Variants in POLR1A observed in about 807,000 individuals in gnomAD.
POLR1A encodes DNA-directed RNA polymerase I subunit RPA1.
A neutral mutation model predicts 205.3 loss-of-function variants in POLR1A; 84 were observed. The ratio of observed to expected loss-of-function variants is 0.41; its 90% CI spans 0.34 to 0.49. The LOEUF (loss-of-function observed/expected upper bound fraction) is 0.49. Among genes scored for constraint, POLR1A ranks in the 20% least tolerant of loss-of-function variants. POLR1A has a pLI of 0.22. For missense variants in POLR1A, 1,645 were observed against 2,204.5 expected, an observed-to-expected ratio of 0.75 and a Z score of 5.08; for synonymous variants, 799 against 863.7, an observed-to-expected ratio of 0.93 and a Z score of 1.31.
chr2:86,041,469 T>A (rs1672606284), intron 24 of POLR1A, among the ~76,000 whole-genome samples: 1 of 152,066 alleles, frequency 6.6e-6, no homozygotes, highest in African/African-American at 2.4e-5. Flanking sequence ...AAAGGATTAC[T>A]GGAGTAATCG....
At chr2:86,050,654 C>T (rs1252421792) in intron 16 of POLR1A, among the ~76,000 whole-genome samples, 1 of 152,246 alleles carries the variant, frequency 6.6e-6, no homozygotes, top group African/African-American at 2.4e-5. Context: ...TAAAGCCTGG[C>T]ACCTTTGTTA....
In POLR1A at chr2:86,023,238, T is replaced by A. The variant is rs1175012421; in HGVS notation, c.*4185A>T. The stretch of plus-strand genomic sequence containing the variant: ...GGAGACCTGCGGTAGGCCCAGCAAC[T>A]CTGTGACCTATCTAAACTACACAAC... On this transcript the variant is annotated 3_prime_UTR_variant, in exon 34 of 34. Transcript: ENST00000263857. 6.6e-6 allele frequency: 1 copy of A among 152,210 alleles called. No homozygotes were observed. Among genetic ancestry groups the A allele is most frequent in the East Asian group, 1.9e-4 (1 of 5,202 alleles). The allele number at this position is 152,210 out of a possible 1,614,324, so 9.4% of individuals were successfully genotyped here.
chr2:86,027,461 C>T lies in POLR1A; in HGVS notation c.5125G>A (p.Gly1709Arg), dbSNP rs762408379. The change falls in exon 34 of 34, where the codon GGG (glycine) becomes AGG (arginine). Residue 1709 changes from glycine to arginine, a missense_variant. Coordinates refer to ENST00000263857, the MANE Select transcript of POLR1A (RefSeq NM_015425.6). ...TGCTTGAGCTCGAACAGGCCTGTCC[C>T]GCCCCTGACGACCTTCCCGACCACA... ...CLVVGKVVRG[G>R]TGLFELKQPL... is the part of the protein sequence containing the mutation. 2.5e-6 allele frequency: 4 copies of T among 1,614,050 alleles called. No homozygotes were observed. Among genetic ancestry groups the T allele is most frequent in the African/African-American group, 2.7e-5 (2 of 74,924 alleles).
At chr2:86,053,655 C>T (rs1231700454) in intron 15 of POLR1A, among the ~76,000 whole-genome samples, 1 of 152,146 alleles carries the variant, frequency 6.6e-6, no homozygotes, top group Non-Finnish European at 1.5e-5. Context: ...TCCATTAAGA[C>T]TCTGTGATAA....
Position 86,028,530 on chromosome 2 carries a change from C to A in POLR1A, c.4897+64G>T. ...GACCGACACGGTCCTGACCCTCCTG[C>A]CGAGCCTTCTGGTGTCCTGGCTGGT... On this transcript the variant is annotated intron_variant, in intron 32 of 33. Transcript: ENST00000263857. This position sits in a 1 kb window ranked among gnomAD's most constrained non-coding sequence, Gnocchi z 4.5. 1 of 1,178,880 alleles carries A rather than the reference C, an allele frequency of 8.5e-7. No homozygotes were observed. The highest frequency in any genetic ancestry group is 1.3e-6 in the Non-Finnish European group (1 of 783,902). The allele number at this position is 1,178,880 out of a possible 1,614,324, so 73.0% of individuals were successfully genotyped here.
chr2:86,105,544 C>T (rs968792475), intron 1 of POLR1A, among the ~76,000 whole-genome samples, 156 bp downstream of exon 1: 2 of 152,112 alleles, frequency 1.3e-5, no homozygotes, highest in Non-Finnish European at 2.9e-5. Context: ...CCACGCCGGC[C>T]CAGGAACGTT....
At chr2:86,034,360 A>G (rs1210542797) in intron 27 of POLR1A, among the ~76,000 whole-genome samples, 1 of 152,202 alleles carries the variant, frequency 6.6e-6, no homozygotes, top group Admixed American at 6.5e-5. Context: ...CGGCAATGTG[A>G]CGAAAGAACG....
rs769995595 is a variant in POLR1A, at chr2:86,045,778, C to T, written c.2734-9G>A. 2.5e-6 allele frequency: 4 copies of T among 1,600,994 alleles called. No homozygotes were observed. Among genetic ancestry groups the T allele is most frequent in the Non-Finnish European group, 3.4e-6 (4 of 1,176,766 alleles). On this transcript the variant is annotated splice_polypyrimidine_tract_variant and intron_variant, in intron 19 of 33. Transcript: ENST00000263857. ...CCCAGCAGGCACGAGATCTGGAGGA[C>T]AGGAAATCCACAGGAAACTGAAGAT...
At chr2:86,049,456 CA>C (rs1170225228) in intron 16 of POLR1A, among the ~76,000 whole-genome samples, 1 of 152,166 alleles carries the variant, frequency 6.6e-6, no homozygotes, top group African/African-American at 2.4e-5. Context: ...TTACAAATGA[CA>C]AAACTCAGGC....
intron 1 of POLR1A, 52 bp from the exon 2 acceptor site, chr2:86,100,224 AT>A: frequency 7.3e-7 from 1 of 1,370,748 alleles, no homozygotes; most frequent in Non-Finnish European, 1.0e-6. Flanking sequence ...AACCTCTCTG[AT>A]GTTTCCTTTC....
intron 28 of POLR1A, among the ~76,000 whole-genome samples, chr2:86,032,745 AGAAG>A (rs1480044048): frequency 6.6e-6 from 1 of 152,164 alleles, no homozygotes; most frequent in African/African-American, 2.4e-5. Flanking sequence ...GGTGGGGATG[AGAAG>A]GAAGGGTTAT....
intron 1 of POLR1A, among the ~76,000 whole-genome samples, chr2:86,103,521 GA>G (rs1202977334): frequency 6.6e-6 from 1 of 152,194 alleles, no homozygotes; most frequent in African/African-American, 2.4e-5. Context: ...AAACTTGTTT[GA>G]AAACTCCACA....
intron 4 of POLR1A, among the ~76,000 whole-genome samples, chr2:86,089,120 C>T (rs1288275845): frequency 6.6e-6 from 1 of 152,192 alleles, no homozygotes; most frequent in East Asian, 1.9e-4. Flanking sequence ...TAAGCTCTTA[C>T]TAAGACAAAG....
chr2:86,075,182 C>T lies in POLR1A; in HGVS notation c.1459G>A (p.Gly487Ser), dbSNP rs777068250. The change falls in exon 12 of 34, where the codon GGC becomes AGC. Residue 487 changes from glycine (G) to serine (S), a missense_variant. By Grantham distance (56) the Gly-to-Ser change is moderately conservative (BLOSUM62 0). This residue lies in a region of POLR1A where 131 missense variants were observed against 214.5 expected (regional missense o/e 0.61). Transcript: ENST00000263857. ...VQELRQAVIN[G>S]PNVHPGASMV... ...GAGGCTCCTGGGTGCACATTAGGGCCGTTGATGACCGCTTGCCTAAGTTCC... is the reference window on the plus strand; with the variant it reads ...GAGGCTCCTGGGTGCACATTAGGGCTGTTGATGACCGCTTGCCTAAGTTCC... 2.5e-6 allele frequency: 4 copies of T among 1,613,200 alleles called. No homozygotes were observed. The highest frequency in any genetic ancestry group is 1.7e-5 in the Admixed American group (1 of 59,924).
At chr2:86,063,978 G>A (rs373452102) in intron 14 of POLR1A, among the ~76,000 whole-genome samples, 2 of 152,194 alleles carry the variant, frequency 1.3e-5, no homozygotes, top group Admixed American at 6.5e-5. Flanking sequence ...ACGTTATTTA[G>A]AAGTACAAAT....
chr2:86,074,895 C>T, intron 12 of POLR1A, 135 bp downstream of exon 12: 5 of 639,268 alleles, frequency 7.8e-6, no homozygotes, highest in Non-Finnish European at 1.1e-5. Flanking sequence ...TAAAAAGCCA[C>T]CCACGTGTCG....
chr2:86,103,250 C>T (rs920337172), intron 1 of POLR1A, among the ~76,000 whole-genome samples: 7 of 152,158 alleles, frequency 4.6e-5, no homozygotes, highest in African/African-American at 1.4e-4. Context: ...GCAGGCCATA[C>T]AGTCACCTGG....
At position 86,070,242 on chromosome 2, in the gene POLR1A, G is replaced by T; in HGVS notation, c.1642C>A (p.Leu548Met). The change falls in exon 13 of 34, where the codon CTG (leucine) becomes ATG (methionine). Residue 548 changes from leucine (L) to methionine (M), a missense_variant. This residue lies in a region of POLR1A where 131 missense variants were observed against 214.5 expected (regional missense o/e 0.61). Coordinates refer to ENST00000263857, the MANE Select transcript of POLR1A (RefSeq NM_015425.6). This position sits in a 1 kb window ranked among gnomAD's most constrained non-coding sequence, Gnocchi z 4.4. The stretch of plus-strand genomic sequence containing the variant: ...AGTGTGGGCTGTCGGTTCAGTAGCA[G>T]AATGTCCCCATTCTTCACATGCCGG... Reference protein sequence around the residue: ...VCRHVKNGDILLLNRQPTLHR... With the variant: ...VCRHVKNGDIMLLNRQPTLHR... 6.2e-7 allele frequency: 1 copy of T among 1,612,954 alleles called. No individual in the cohort carries two copies. Among genetic ancestry groups the T allele is most frequent in the Non-Finnish European group, 8.5e-7 (1 of 1,178,990 alleles).
At chr2:86,040,941 GT>G (rs1405141751) in intron 24 of POLR1A, among the ~76,000 whole-genome samples, 1 of 152,194 alleles carries the variant, frequency 6.6e-6, no homozygotes, top group Admixed American at 6.5e-5. Flanking sequence ...TTTGGAGACA[GT>G]TTAAACCTCC....
Sources: allele counts gnomAD v4.1 joint callset (sites outside exome capture counted in the v4.1 genomes callset), GRCh38; gene constraint gnomAD v4.1.1; regional missense constraint gnomAD v4.1.1; non-coding constraint Gnocchi (gnomAD v3.1); transcripts MANE v1.5; gene names NCBI Gene and HGNC (gene_info 2026-07-23, HGNC 2026-07-21).